The following DGKK variants were observed in gnomAD, a reference collection of about 807,000 sequenced individuals.
The protein encoded by DGKK is 142 kDa diacylglycerol kinase.
In DGKK, 35 loss-of-function variants were observed where a neutral mutation model predicts 92.2. The ratio of observed to expected loss-of-function variants is 0.38; its 90% confidence interval spans 0.29 to 0.50. The LOEUF (loss-of-function observed/expected upper bound fraction) is 0.50. DGKK is among the 20% of genes least tolerant of loss of function. DGKK has a pLI of 0.92. For missense variants in DGKK, 910 were observed against 992.2 expected (o/e 0.92, Z 1.11); for synonymous variants, 368 against 360.6 (o/e 1.02, Z -0.23).
At chrX:50,382,346 TC>T (rs1181888899) in intron 18 of DGKK, 149 bp downstream of exon 18, 7 of 422,389 alleles carry the variant, frequency 1.7e-5, no homozygotes, top group Non-Finnish European at 2.4e-5. Context: ...GCACACACTG[TC>T]CCGCTAGACT....
chrX:50,398,582 T>A (rs1924914209), intron 8 of DGKK, among the ~76,000 whole-genome samples: 1 of 111,793 alleles, frequency 8.9e-6, no homozygotes, highest in Non-Finnish European at 1.9e-5. Flanking sequence ...AGCAATAATA[T>A]TATATCACTG....
intron 1 of DGKK, among the ~76,000 whole-genome samples, chrX:50,452,267 A>C (rs1926512755): frequency 8.9e-6 from 1 of 111,976 alleles, no homozygotes; most frequent in African/African-American, 3.2e-5. Flanking sequence ...TTACCCTCAC[A>C]CCGTACTTTC....
chrX:50,456,016 A>G (rs1253961596), intron 1 of DGKK, among the ~76,000 whole-genome samples: 1 of 112,075 alleles, frequency 8.9e-6, no homozygotes, highest in African/African-American at 3.2e-5. Context: ...ACCCTCATAT[A>G]GTGCACAACC....
intron 4 of DGKK, among the ~76,000 whole-genome samples, chrX:50,410,043 T>A (rs1331601983): frequency 8.9e-6 from 1 of 111,884 alleles, no homozygotes; most frequent in Non-Finnish European, 1.9e-5. Flanking sequence ...AGCCACCTAG[T>A]CTGTGGAATT....
At chrX:50,413,194 T>C (rs1338088649) in intron 4 of DGKK, among the ~76,000 whole-genome samples, 1 of 110,839 alleles carries the variant, frequency 9.0e-6, no homozygotes, top group Non-Finnish European at 1.9e-5. Context: ...CCTTATACCG[T>C]ATTAAAAAAT....
At position 50,470,125 on chromosome X, in the gene DGKK, G is replaced by A. The variant is rs985368837; in HGVS notation, c.554C>T (p.Pro185Leu). The A allele has an allele frequency of 5.0e-6, 6 of 1,210,965 alleles. No individual in the cohort carries two copies. The highest frequency in any genetic ancestry group is 5.6e-6 in the Non-Finnish European group (5 of 895,330). Residue 185 changes from proline (P) to leucine (L), a missense_variant, in exon 1 of 28, where the codon CCG becomes CTG. Coordinates refer to ENST00000611977, the MANE Select transcript of DGKK (RefSeq NM_001013742.4). ...PSPAPCLLQC[P>L]VDTRERGLKT... The stretch of plus-strand genomic sequence containing the variant: ...TAGACCTCTCTCTCGAGTGTCCACC[G>A]GACATTGCAATAGACATGGTGCTGG...
chrX:50,452,408 A>G (rs1557232538), intron 1 of DGKK, among the ~76,000 whole-genome samples: 1 of 112,226 alleles, frequency 8.9e-6, no homozygotes, highest in Non-Finnish European at 1.9e-5. Context: ...CGGGGAAGTG[A>G]AGTAAAGAAA....
intron 1 of DGKK, among the ~76,000 whole-genome samples, chrX:50,452,399 G>A (rs1926516503): frequency 1.8e-5 from 2 of 112,017 alleles, no homozygotes; most frequent in African/African-American, 6.5e-5. Context: ...GCTCCAAAGC[G>A]GGGAAGTGAA....
chrX:50,366,440 A>G lies in DGKK; in HGVS notation c.*2500T>C, dbSNP rs1923977751. 1 of 111,600 alleles carries G rather than the reference A, an allele frequency of 9.0e-6. No homozygotes were observed. Among genetic ancestry groups the G allele is most frequent in the Non-Finnish European group, 1.9e-5 (1 of 53,172 alleles). 9.2% of individuals were successfully genotyped at this position (111,600 alleles called of 1,213,427 possible). Reference sequence around the variant, plus strand: ...AGTGGTTTCAGTCAATATCATTCTGACTCAGAGTGGGAGGACAGGGTAGGT... The same window carrying G: ...AGTGGTTTCAGTCAATATCATTCTGGCTCAGAGTGGGAGGACAGGGTAGGT... On this transcript the variant is annotated 3_prime_UTR_variant, in exon 28 of 28. Transcript: ENST00000611977.
At position 50,466,760 on chromosome X, in the gene DGKK, C is replaced by G. The variant is rs145541521; in HGVS notation, c.645+3274G>C. Among the ~76,000 whole-genome samples the G allele has an allele frequency of 3.3e-4, 37 of 111,575 alleles. 1 individual carries two copies. In the East Asian group the frequency reaches 0.01, roughly 31 times the overall value. ...CTATTTTTGAGAAGCTCAGAAATCACTAATAAAATATTGATAGGAATCACC... is the reference window on the plus strand; with the variant it reads ...CTATTTTTGAGAAGCTCAGAAATCAGTAATAAAATATTGATAGGAATCACC... On this transcript the variant is annotated intron_variant, in intron 1 of 27. Transcript: ENST00000611977.
chrX:50,369,885 T>G (rs1557222942), intron 27 of DGKK, among the ~76,000 whole-genome samples: 1 of 110,926 alleles, frequency 9.0e-6, no homozygotes, highest in Non-Finnish European at 1.9e-5. Context: ...TATTACTGCA[T>G]CTCTCAAGCT....
Position 50,379,706 on chromosome X carries a change from T to C in DGKK, c.2783A>G (p.Asn928Ser). 1 of 1,210,640 alleles carries C rather than the reference T, an allele frequency of 8.3e-7. No individual in the cohort carries two copies. ...ECDGETISLP[N>S]LQGIVVLNIT... The stretch of plus-strand genomic sequence containing the variant: ...GTTGAGCACTACAATGCCTTGCAGG[T>C]TTGGCAAGGAGATGGTTTCTCCATC... The change falls in exon 20 of 28, where the codon AAC (asparagine) becomes AGC (serine). Residue 928 changes from asparagine to serine, a missense_variant. Physicochemically the swap from Asn to Ser is conservative, Grantham distance 46 (BLOSUM62 1). Transcript: ENST00000611977.
chrX:50,379,593 C>T (rs1924362209), intron 20 of DGKK, 34 bp downstream of exon 20: 1 of 1,124,500 alleles, frequency 8.9e-7, no homozygotes, highest in Non-Finnish European at 1.2e-6. Context: ...GGGATCATGC[C>T]TTTCTTCCTC....
intron 7 of DGKK, 58 bp from the exon 8 acceptor site, chrX:50,401,197 T>C (rs945208057): frequency 6.1e-6 from 6 of 980,318 alleles, no homozygotes; most frequent in Non-Finnish European, 8.5e-6. Flanking sequence ...AAGGATATCA[T>C]TGATCAGTCT....
intron 5 of DGKK, 104 bp downstream of exon 5, chrX:50,403,945 G>C (rs1925077343): frequency 1.0e-6 from 1 of 996,790 alleles, no homozygotes; most frequent in Non-Finnish European, 1.4e-6. Context: ...CCTCACACCA[G>C]AGTCAGTGAC....
intron 1 of DGKK, among the ~76,000 whole-genome samples, chrX:50,437,149 G>A (rs1378433622): frequency 1.8e-5 from 2 of 111,612 alleles, no homozygotes; most frequent in African/African-American, 6.5e-5. Context: ...AAGACTGAGA[G>A]TGCGGCTCTC....
At chrX:50,423,462 A>T (rs1925652000) in intron 2 of DGKK, among the ~76,000 whole-genome samples, 1 of 112,179 alleles carries the variant, frequency 8.9e-6, no homozygotes, top group Admixed American at 9.5e-5. Flanking sequence ...TCTAAGAAAT[A>T]CAAAGAACCA....
chrX:50,376,213 T>G, intron 23 of DGKK, 48 bp from the exon 24 acceptor site: 3 of 1,186,338 alleles, frequency 2.5e-6, no homozygotes, highest in Non-Finnish European at 3.4e-6. Context: ...TCTGAAGGAC[T>G]TCTGGCCTGG....
intron 10 of DGKK, among the ~76,000 whole-genome samples, chrX:50,392,019 G>A (rs1172391028): frequency 1.9e-5 from 2 of 103,907 alleles, no homozygotes; most frequent in Non-Finnish European, 4.0e-5. Flanking sequence ...AGTGGGTTCA[G>A]GAGGGGAAGG....
Sources: allele counts gnomAD v4.1 joint callset (sites outside exome capture counted in the v4.1 genomes callset), GRCh38; gene constraint gnomAD v4.1.1; transcripts MANE v1.5; gene names NCBI Gene and HGNC (gene_info 2026-07-23, HGNC 2026-07-21).